Variants in VPS54 observed in about 807,000 individuals in gnomAD.
VPS54 encodes vacuolar protein sorting-associated protein 54.
VPS54 carries 45 observed loss-of-function variants against 121.5 expected under a neutral mutation model. That is an observed-to-expected ratio of 0.37 (90% CI 0.29 to 0.47). The LOEUF (loss-of-function observed/expected upper bound fraction) is 0.47. VPS54 is among the 20% of genes least tolerant of loss of function. VPS54 has a pLI of 0.99. For synonymous variants in VPS54, 371 were observed against 385.8 expected (o/e 0.96, Z 0.45); for missense variants, 1,090 against 1,131.4 (o/e 0.96, Z 0.52).
chr2:63,927,074 G>A (rs771981377), intron 12 of VPS54, among the ~76,000 whole-genome samples: 2 of 152,210 alleles, frequency 1.3e-5, no homozygotes, highest in Non-Finnish European at 2.9e-5. Flanking sequence ...CCTCCCTGGG[G>A]AGGGCACAGC....
chr2:64,000,845 G>A (rs954757440), intron 1 of VPS54, among the ~76,000 whole-genome samples: 2 of 152,106 alleles, frequency 1.3e-5, no homozygotes, highest in African/African-American at 4.8e-5. Flanking sequence ...ACAGCACTGA[G>A]TCTCACCCAA....
Position 63,931,352 on chromosome 2 carries a change from A to T in VPS54, c.1739+2321T>A, listed in dbSNP as rs887343636. ...ACAGAGGCCTCAGAAATAATACCAC[A>T]CATCTACAACCATCTGATCTTTGAC... On this transcript the variant is annotated intron_variant, in intron 12 of 22. Transcript: ENST00000272322. Among the ~76,000 whole-genome samples the T allele has an allele frequency of 5.9e-5, 9 of 152,296 alleles. No individual in the cohort carries two copies. In the East Asian group the frequency reaches 1.7e-3, roughly 29 times the overall value.
chr2:63,984,886 A>T, intron 1 of VPS54, among the ~76,000 whole-genome samples: 1 of 152,226 alleles, frequency 6.6e-6, no homozygotes. Context: ...ATGTTTAGAG[A>T]TCACCTAGTC....
intron 3 of VPS54, among the ~76,000 whole-genome samples, chr2:63,977,811 T>C (rs1487456434): frequency 6.6e-6 from 1 of 152,230 alleles, no homozygotes; most frequent in Non-Finnish European, 1.5e-5. Flanking sequence ...AGAACTGAGG[T>C]AAATAGGCCT....
At chr2:63,920,397 C>G in intron 14 of VPS54, 49 bp downstream of exon 14, 1 of 1,378,598 alleles carries the variant, frequency 7.3e-7, no homozygotes, top group Non-Finnish European at 9.4e-7. Context: ...CTGTGTTTCA[C>G]AAAGAAAAAT....
At chr2:63,903,043 G>T (rs1052487437) in intron 20 of VPS54, among the ~76,000 whole-genome samples, 8 of 151,364 alleles carry the variant, frequency 5.3e-5, no homozygotes, top group Non-Finnish European at 8.8e-5. Context: ...TGATTAACAT[G>T]TTAAAGGATC....
intron 22 of VPS54, among the ~76,000 whole-genome samples, chr2:63,894,701 CA>C (rs34352542): frequency 2.2e-3 from 249 of 114,010 alleles, no homozygotes; most frequent in Admixed American, 2.6e-3. Flanking sequence ...ACCCTGTCTC[CA>C]AAAAAAAAAA....
At chr2:63,942,031 C>CAAAAA (rs34766515) in intron 11 of VPS54, among the ~76,000 whole-genome samples, 1 of 77,082 alleles carries the variant, frequency 1.3e-5, no homozygotes, top group African/African-American at 4.6e-5. Context: ...GACTCCACCT[C>CAAAAA]AAAAAAAAAA....
intron 4 of VPS54, among the ~76,000 whole-genome samples, chr2:63,970,204 T>TAC (rs1405823428): frequency 2.9e-5 from 2 of 68,044 alleles, no homozygotes; most frequent in Non-Finnish European, 5.9e-5. Flanking sequence ...TAAAAAAAAA[T>TAC]ATATATATAC....
At chr2:63,910,140 A>G (rs1178777258) in intron 20 of VPS54, among the ~76,000 whole-genome samples, 1 of 152,210 alleles carries the variant, frequency 6.6e-6, no homozygotes, top group Non-Finnish European at 1.5e-5. Flanking sequence ...CCCAAACCAA[A>G]CACTGTCTGC....
At chr2:63,900,614 G>C (rs1672639216) in intron 20 of VPS54, among the ~76,000 whole-genome samples, 1 of 152,168 alleles carries the variant, frequency 6.6e-6, no homozygotes, top group African/African-American at 2.4e-5. Context: ...AACGCTATAG[G>C]AACTCAAGTG....
intron 1 of VPS54, among the ~76,000 whole-genome samples, chr2:63,998,161 C>G (rs1291719501): frequency 6.6e-6 from 1 of 152,104 alleles, no homozygotes; most frequent in African/African-American, 2.4e-5. Flanking sequence ...ATTGTTATAT[C>G]CTATGCTGAA....
chr2:63,957,161 G>A (rs536740771), intron 7 of VPS54, among the ~76,000 whole-genome samples: 20 of 151,832 alleles, frequency 1.3e-4, no homozygotes, highest in African/African-American at 3.6e-4. Flanking sequence ...TTTATATCCC[G>A]GCCGGGCACG....
intron 11 of VPS54, among the ~76,000 whole-genome samples, chr2:63,941,070 C>CTATTTAA (rs1293589259): frequency 6.6e-6 from 1 of 152,184 alleles, no homozygotes; most frequent in African/African-American, 2.4e-5. Context: ...GTCCCCTGCA[C>CTATTTAA]TATTTAACAT....
chr2:64,018,763 AAAG>A (rs1167518573), intron 1 of VPS54, among the ~76,000 whole-genome samples, 172 bp downstream of exon 1: 1 of 151,090 alleles, frequency 6.6e-6, no homozygotes, highest in Non-Finnish European at 1.5e-5. Flanking sequence ...AAAAAAAAAA[AAAG>A]GAAGTGGCGG....
intron 20 of VPS54, among the ~76,000 whole-genome samples, chr2:63,911,541 T>A (rs894795371): frequency 6.6e-6 from 1 of 152,222 alleles, no homozygotes; most frequent in Non-Finnish European, 1.5e-5. Flanking sequence ...GATTTTTAGA[T>A]GACTTGTGAT....
At chr2:63,922,911 A>C (rs1673709543) in intron 12 of VPS54, among the ~76,000 whole-genome samples, 1 of 152,080 alleles carries the variant, frequency 6.6e-6, no homozygotes. Flanking sequence ...AGAAAATAGC[A>C]AATAAAAACA....
chr2:63,991,526 T>C (rs1677317441), intron 1 of VPS54, among the ~76,000 whole-genome samples: 1 of 152,224 alleles, frequency 6.6e-6, no homozygotes, highest in Admixed American at 6.5e-5. Context: ...CCTGCTATAA[T>C]TGCAGTCAAC....
intron 20 of VPS54, among the ~76,000 whole-genome samples, chr2:63,901,660 C>T (rs1672683979): frequency 6.6e-6 from 1 of 152,106 alleles, no homozygotes; most frequent in African/African-American, 2.4e-5. Context: ...AGGCCTAAGT[C>T]ACTGAGAAGG....
Sources: gnomAD v4.1 joint callset for allele counts (sites outside exome capture counted in the v4.1 genomes callset) on GRCh38, gnomAD v4.1.1 for gene constraint, MANE v1.5 for transcripts, NCBI Gene and HGNC (gene_info 2026-07-23, HGNC 2026-07-21) for gene names.